TRAPPC9: variants seen among roughly 807,000 people sequenced by gnomAD.
TRAPPC9 encodes IKK2 binding protein.
Under a neutral mutation model 124.0 loss-of-function variants are expected in TRAPPC9, and 83 were observed. The ratio of observed to expected loss-of-function variants is 0.67; its 90% confidence interval spans 0.56 to 0.80. The LOEUF is 0.80. TRAPPC9 is among the 30% of genes least tolerant of loss of function. The pLI is 0.00. For missense variants in TRAPPC9, 1,302 were observed against 1,508.3 expected, an observed-to-expected ratio of 0.86 and a Z score of 2.27; for synonymous variants, 638 against 617.5, an observed-to-expected ratio of 1.03 and a Z score of -0.49.
chr8:140,004,103 C>G (rs996561295), intron 18 of TRAPPC9, among the ~76,000 whole-genome samples: 5 of 152,174 alleles, frequency 3.3e-5, no homozygotes, highest in African/African-American at 9.7e-5. Context: ...AAGGAACACA[C>G]AGTATTATTC....
intron 17 of TRAPPC9, among the ~76,000 whole-genome samples, chr8:140,176,970 AT>A (rs145017436): frequency 0.031 from 4,708 of 152,266 alleles, 99 homozygotes; most frequent in Non-Finnish European, 0.043. Flanking sequence ...AGCTATTCAA[AT>A]CATTTGCCTA....
At chr8:139,989,072 G>C (rs1335579949) in intron 18 of TRAPPC9, among the ~76,000 whole-genome samples, 2 of 152,150 alleles carry the variant, frequency 1.3e-5, no homozygotes, top group Non-Finnish European at 2.9e-5. Context: ...CGGGGTCCTG[G>C]GGACATGTGT....
intron 18 of TRAPPC9, among the ~76,000 whole-genome samples, chr8:140,019,500 TTTTCTA>T (rs1455308884): frequency 6.6e-6 from 1 of 151,736 alleles, no homozygotes; most frequent in Non-Finnish European, 1.5e-5. Context: ...ACTATTTATT[TTTTCTA>T]TTTCTTTTTC....
chr8:139,813,067 C>T (rs747403268), intron 21 of TRAPPC9, among the ~76,000 whole-genome samples: 1 of 152,204 alleles, frequency 6.6e-6, no homozygotes, highest in Non-Finnish European at 1.5e-5. Flanking sequence ...TGAGCTCTAC[C>T]AGGGAAGGGG....
chr8:139,750,481 C>T (rs1819240159), intron 21 of TRAPPC9, among the ~76,000 whole-genome samples: 6 of 152,178 alleles, frequency 3.9e-5, no homozygotes. Context: ...AGAGGAGCAC[C>T]TTAGGGCCAG....
chr8:140,394,445 C>T (rs180795780), intron 7 of TRAPPC9, among the ~76,000 whole-genome samples: 1 of 152,316 alleles, frequency 6.6e-6, no homozygotes, highest in East Asian at 1.9e-4. Context: ...ACCACATGAA[C>T]TTGTTATCCT....
In TRAPPC9 at chr8:139,750,519, T is replaced by A. The variant is rs142868797; in HGVS notation, c.3056-18317A>T. Among the ~76,000 whole-genome samples, 711 of 152,240 alleles carry A rather than the reference T, an allele frequency of 4.7e-3. 7 individuals are homozygous for A. Among genetic ancestry groups the A allele is most frequent in the African/African-American group, 0.016 (683 of 41,550 alleles). ...AGCACCCCTGCATTGCACCCCAGCATGAAAAGACCCATGGAGCTGTGCTGG... is the reference window on the plus strand; with the variant it reads ...AGCACCCCTGCATTGCACCCCAGCAAGAAAAGACCCATGGAGCTGTGCTGG... On this transcript the variant is annotated intron_variant, in intron 21 of 22. Transcript: ENST00000438773.
intron 5 of TRAPPC9, among the ~76,000 whole-genome samples, chr8:140,419,444 AAAAAAAAAC>A (rs2070105106): frequency 6.8e-6 from 1 of 146,288 alleles, no homozygotes; most frequent in African/African-American, 2.6e-5. Context: ...AAAAAAAAAA[AAAAAAAAAC>A]AAAACAAAAC....
At chr8:140,444,749 A>T (rs905083335) in intron 2 of TRAPPC9, among the ~76,000 whole-genome samples, 2 of 151,014 alleles carry the variant, frequency 1.3e-5, no homozygotes, top group African/African-American at 2.4e-5. Flanking sequence ...TTGTAATCCT[A>T]GCTACTTAGG....
At chr8:140,281,429 A>AT (rs2065320694) in intron 14 of TRAPPC9, among the ~76,000 whole-genome samples, 1 of 152,200 alleles carries the variant, frequency 6.6e-6, no homozygotes, top group Non-Finnish European at 1.5e-5. Context: ...AGGTACTCAA[A>AT]TCTCTTGTCC....
At chr8:140,304,361 C>T (rs1220516446) in intron 10 of TRAPPC9, among the ~76,000 whole-genome samples, 1 of 152,086 alleles carries the variant, frequency 6.6e-6, no homozygotes, top group Non-Finnish European at 1.5e-5. Flanking sequence ...TCCCAAAGTG[C>T]CAGTATTACA....
intron 21 of TRAPPC9, among the ~76,000 whole-genome samples, chr8:139,885,277 C>T (rs1829929391): frequency 6.6e-6 from 1 of 152,136 alleles, no homozygotes; most frequent in African/African-American, 2.4e-5. Context: ...TGGAAGTTCC[C>T]AGGTGCAACA....
Position 140,024,021 on chromosome 8 carries a change from T to A in TRAPPC9, c.2615A>T (p.Tyr872Phe), listed in dbSNP as rs568917903. 6.2e-7 allele frequency: 1 copy of A among 1,613,910 alleles called. No homozygotes were observed. Among genetic ancestry groups the A allele is most frequent in the Admixed American group, 1.7e-5 (1 of 59,992 alleles). Residue 872 changes from tyrosine (Y) to phenylalanine (F), a missense_variant, in exon 18 of 23, where the codon TAT (tyrosine) becomes TTT (phenylalanine). Transcript: ENST00000438773. Reference sequence around the variant, plus strand: ...CAGCCCCAGGGAGAGATTCCTGTAATATCCTTCAGTGTGGCCCGGGCCTCC... The same window carrying A: ...CAGCCCCAGGGAGAGATTCCTGTAAAATCCTTCAGTGTGGCCCGGGCCTCC... ...YSGGPGHTEG[Y>F]YRNLSLGLHV...
chr8:139,917,260 G>A (rs911793267), intron 19 of TRAPPC9, among the ~76,000 whole-genome samples: 6 of 134,934 alleles, frequency 4.4e-5, no homozygotes, highest in African/African-American at 8.4e-5. Flanking sequence ...TGCAAGCTCC[G>A]CCTCCCAGGT....
At chr8:140,260,625 G>A (rs1277709235) in intron 15 of TRAPPC9, among the ~76,000 whole-genome samples, 2 of 152,220 alleles carry the variant, frequency 1.3e-5, no homozygotes, top group Non-Finnish European at 2.9e-5. Flanking sequence ...CTGGAGGAAG[G>A]AGGAAGGAGA....
chr8:140,427,716 T>C (rs911553867), intron 4 of TRAPPC9, among the ~76,000 whole-genome samples: 8 of 152,198 alleles, frequency 5.3e-5, no homozygotes, highest in Non-Finnish European at 1.0e-4. Context: ...AATAATCTTA[T>C]GGAAATAGCA....
chr8:140,376,463 G>A (rs1044829329), intron 7 of TRAPPC9, among the ~76,000 whole-genome samples: 1 of 150,966 alleles, frequency 6.6e-6, no homozygotes, highest in Non-Finnish European at 1.5e-5. Context: ...GGCTGAGGCA[G>A]GAGAATGGCG....
intron 7 of TRAPPC9, among the ~76,000 whole-genome samples, chr8:140,392,026 CAA>C (rs35599095): frequency 6.4e-4 from 92 of 143,940 alleles, no homozygotes; most frequent in Middle Eastern, 3.6e-3. Context: ...AACTCCGTCT[CAA>C]AAAAAAAAAA....
chr8:140,201,599 T>C (rs1022155993), intron 17 of TRAPPC9, among the ~76,000 whole-genome samples: 2 of 152,258 alleles, frequency 1.3e-5, no homozygotes. Flanking sequence ...ACGGATCTAA[T>C]TTCAAATATT....
Sources: gnomAD v4.1 joint callset for allele counts (sites outside exome capture counted in the v4.1 genomes callset) on GRCh38, gnomAD v4.1.1 for gene constraint, MANE v1.5 for transcripts, NCBI Gene and HGNC (gene_info 2026-07-23, HGNC 2026-07-21) for gene names.